Variants in GNG7 observed in about 807,000 individuals in gnomAD.
GNG7 encodes the protein guanine nucleotide-binding protein G(I)/G(S)/G(O) subunit gamma-7.
In GNG7, 1 loss-of-function variant was observed where a neutral mutation model predicts 4.0. The ratio of observed to expected loss-of-function variants is 0.25; its 90% CI spans 0.09 to 1.18. The LOEUF (loss-of-function observed/expected upper bound fraction) is 1.18. Among genes scored for constraint, GNG7 ranks in the 50% most tolerant of loss-of-function variants. GNG7 has a pLI of 0.50. For synonymous variants in GNG7, 34 were observed against 36.9 expected (o/e 0.92, Z 0.29); for missense variants, 86 against 91.9 (o/e 0.94, Z 0.26).
At chr19:2,566,181 T>TA (rs920949038) in intron 2 of GNG7, among the ~76,000 whole-genome samples, 2 of 151,362 alleles carry the variant, frequency 1.3e-5, no homozygotes, top group African/African-American at 4.9e-5. Flanking sequence ...TAAATAAATA[T>TA]AAAAAATAAA....
intron 1 of GNG7, among the ~76,000 whole-genome samples, chr19:2,658,972 ATT>A (rs35180729): frequency 2.7e-4 from 38 of 143,364 alleles, no homozygotes; most frequent in East Asian, 6.2e-4. Context: ...AAGCGTTCTG[ATT>A]TTTTTTTTTT....
intron 1 of GNG7, among the ~76,000 whole-genome samples, chr19:2,664,536 G>C (rs1599450422): frequency 6.6e-6 from 1 of 152,176 alleles, no homozygotes; most frequent in East Asian, 1.9e-4. Flanking sequence ...TGACCCTGAG[G>C]GTTCAAGGTC....
At chr19:2,686,936 T>C (rs1983887088) in intron 1 of GNG7, among the ~76,000 whole-genome samples, 1 of 151,756 alleles carries the variant, frequency 6.6e-6, no homozygotes, top group South Asian at 2.1e-4. Context: ...TATTTTTTAG[T>C]AGAGACGGGG....
chr19:2,515,257 C>T, intron 4 of GNG7, 110 bp from the exon 5 acceptor site: 1 of 1,385,088 alleles, frequency 7.2e-7, no homozygotes. Flanking sequence ...GCTCAGGAGC[C>T]CATTGATGGG....
At chr19:2,555,598 T>A (rs1979516931) in intron 2 of GNG7, among the ~76,000 whole-genome samples, 1 of 152,150 alleles carries the variant, frequency 6.6e-6, no homozygotes, top group Non-Finnish European at 1.5e-5. Flanking sequence ...TACTTTTATG[T>A]AAGCCACGTG....
At chr19:2,661,333 A>AAAGAAAGG (rs1568277867) in intron 1 of GNG7, among the ~76,000 whole-genome samples, 11 of 146,128 alleles carry the variant, frequency 7.5e-5, no homozygotes, top group African/African-American at 2.8e-4. Context: ...AGAAAGAAAG[A>AAAGAAAGG]AAGAAAGAAA....
In GNG7 at chr19:2,611,276, A is replaced by C. The variant is rs1173151757; in HGVS notation, c.-78+34948T>G. 1 of 152,262 alleles carries C rather than the reference A, an allele frequency of 6.6e-6. No homozygotes were observed. Among genetic ancestry groups the C allele is most frequent in the Admixed American group, 6.5e-5 (1 of 15,282 alleles). 9.4% of individuals were successfully genotyped at this position (152,262 alleles called of 1,614,324 possible). ...CGCAGACTGACTTCAGGGGCGAGGA[A>C]TTCCGCCTGGCGAGCGTCTAGACTG... On this transcript the variant is annotated intron_variant, in intron 2 of 4. Coordinates refer to ENST00000382159, the MANE Select transcript of GNG7 (RefSeq NM_052847.3). The surrounding 1 kb of genome is among the most constrained non-coding windows in gnomAD (Gnocchi z 6.0).
Position 2,646,243 on chromosome 19 carries a change from G to A in GNG7, c.-97C>T, listed in dbSNP as rs1230352340. 2.0e-5 allele frequency: 3 copies of A among 152,008 alleles called. No individual in the cohort carries two copies. The highest frequency in any genetic ancestry group is 1.3e-4 in the Admixed American group (2 of 15,242). 9.4% of individuals were successfully genotyped at this position (152,008 alleles called of 1,614,324 possible). A position where few individuals can be genotyped will look rare whatever the true frequency, so the allele number is the denominator to read the frequency against. ...ACCGACCTGTGCAGGAGGTCTCGCC[G>A]TCTGCAGCACCGAGATCCCGAAACC... On this transcript the variant is annotated 5_prime_UTR_variant, in exon 2 of 5. In the 5' UTR this introduces an upstream ATG that the reference lacks. Transcript: ENST00000382159.
rs935132292 is a variant in GNG7 at position 2,659,746 on chromosome 19, GGGAT to G, written c.-134-13470_-134-13467del. On this transcript the variant is annotated intron_variant, in intron 1 of 4. Coordinates refer to ENST00000382159, the MANE Select transcript of GNG7 (RefSeq NM_052847.3). ...AAGGGGAATGAGTGTGAGCGAGGGA[GGGAT>G]GGAGGAAGGAAGGAAGGGAGGGAGG... 1.3e-3 allele frequency among the ~76,000 whole-genome samples: 194 copies of G among 144,846 alleles called. 1 individual carries two copies. Among genetic ancestry groups the G allele is most frequent in the African/African-American group, 4.8e-3 (186 of 38,650 alleles).
chr19:2,569,022 CAT>C (rs1042744969), intron 2 of GNG7, among the ~76,000 whole-genome samples: 9 of 150,822 alleles, frequency 6.0e-5, no homozygotes, highest in African/African-American at 1.7e-4. Context: ...CAAGCAGACA[CAT>C]ATACACAAAA....
intron 1 of GNG7, among the ~76,000 whole-genome samples, chr19:2,693,846 C>T (rs778441796): frequency 2.3e-4 from 35 of 152,106 alleles, no homozygotes; most frequent in African/African-American, 6.0e-4. Context: ...AAAGAATGAA[C>T]GCCCACATTC....
At chr19:2,645,932 G>A (rs1289699875) in intron 2 of GNG7, among the ~76,000 whole-genome samples, 1 of 152,172 alleles carries the variant, frequency 6.6e-6, no homozygotes, top group Non-Finnish European at 1.5e-5. Flanking sequence ...CACCGGAAAG[G>A]CATGCAGCAC....
intron 2 of GNG7, among the ~76,000 whole-genome samples, chr19:2,602,873 C>CTCTCTT (rs1288631971): frequency 1.3e-5 from 2 of 150,534 alleles, no homozygotes; most frequent in South Asian, 2.1e-4. Flanking sequence ...CCACCCTTTT[C>CTCTCTT]TCTCTTTCTC....
chr19:2,583,527 G>C (rs929155945), intron 2 of GNG7, among the ~76,000 whole-genome samples: 12 of 152,210 alleles, frequency 7.9e-5, no homozygotes, highest in African/African-American at 2.9e-4. Flanking sequence ...TGTTGGTGCA[G>C]GTGCTGGGGG....
chr19:2,562,564 C>T (rs1979776838), intron 2 of GNG7, among the ~76,000 whole-genome samples: 1 of 152,234 alleles, frequency 6.6e-6, no homozygotes, highest in African/African-American at 2.4e-5. Context: ...GACACTGGGG[C>T]CAGATCCTTC....
At chr19:2,661,670 T>TAAA (rs57483197) in intron 1 of GNG7, among the ~76,000 whole-genome samples, 31 of 108,632 alleles carry the variant, frequency 2.9e-4, no homozygotes, top group African/African-American at 1.0e-3. Context: ...GAGACTCCAT[T>TAAA]AAAAAAAAAA....
chr19:2,702,256 C>A (rs1358955444), intron 1 of GNG7, among the ~76,000 whole-genome samples: 3 of 151,238 alleles, frequency 2.0e-5, no homozygotes, highest in Non-Finnish European at 4.4e-5. Context: ...ACTCCAGCCT[C>A]CTCCCCAGCT....
At chr19:2,551,565 C>G (rs771765738) in intron 3 of GNG7, among the ~76,000 whole-genome samples, 7 of 69,926 alleles carry the variant, frequency 1.0e-4, no homozygotes, top group Non-Finnish European at 1.6e-4. Flanking sequence ...ATATATTTAT[C>G]TATTATCTAT....
intron 1 of GNG7, among the ~76,000 whole-genome samples, chr19:2,685,417 G>T (rs981240545): frequency 2.0e-5 from 3 of 151,804 alleles, no homozygotes; most frequent in Non-Finnish European, 4.4e-5. Context: ...TGAGCCTAGG[G>T]GTTGGAGACC....
Sources: gnomAD v4.1 joint callset for allele counts (sites outside exome capture counted in the v4.1 genomes callset) on GRCh38, gnomAD v4.1.1 for gene constraint, Gnocchi (gnomAD v3.1) non-coding constraint, MANE v1.5 for transcripts, NCBI Gene and HGNC (gene_info 2026-07-23, HGNC 2026-07-21) for gene names.